FSTL4: variants seen among roughly 807,000 people sequenced by gnomAD.
The protein encoded by FSTL4 is follistatin like 4.
A neutral mutation model predicts 78.2 loss-of-function variants in FSTL4; 28 were observed. The observed-to-expected ratio is 0.36, with a 90% confidence interval of 0.27 to 0.49. The LOEUF (loss-of-function observed/expected upper bound fraction) is 0.49, where lower values mean the gene tolerates loss of function less well. FSTL4 is among the 20% of genes least tolerant of loss of function. The probability of loss-of-function intolerance (pLI) is 0.98; values close to 1 mark genes in which losing one functional copy is unlikely to be tolerated. For missense variants in FSTL4, 922 were observed against 1,084.9 expected (o/e 0.85, Z 2.11); for synonymous variants, 422 against 440.5 (o/e 0.96, Z 0.53).
chr5:133,332,458 G>T (rs1754370947), intron 4 of FSTL4, among the ~76,000 whole-genome samples: 1 of 152,222 alleles, frequency 6.6e-6, no homozygotes, highest in East Asian at 1.9e-4. Context: ...ATTCTCCAAA[G>T]AAAAGTGTAC....
chr5:133,830,796 C>T, the FSTL4 span, among the ~76,000 whole-genome samples: 1 of 152,150 alleles, frequency 6.6e-6, no homozygotes, highest in African/African-American at 2.4e-5. Context: ...CTGAAGCACC[C>T]TCTGCCTGAC....
the FSTL4 span, among the ~76,000 whole-genome samples, chr5:133,781,090 T>C: frequency 6.6e-6 from 1 of 152,190 alleles, no homozygotes; most frequent in African/African-American, 2.4e-5. Flanking sequence ...GACTCTTCAC[T>C]GCATGCTCTT....
chr5:133,637,061 G>A, the FSTL4 span, among the ~76,000 whole-genome samples: 1 of 152,202 alleles, frequency 6.6e-6, no homozygotes, highest in Non-Finnish European at 1.5e-5. Flanking sequence ...ATAGACGGCA[G>A]CTGGATTATG....
At chr5:133,462,214 C>T (rs1025098463) in intron 3 of FSTL4, among the ~76,000 whole-genome samples, 1 of 152,228 alleles carries the variant, frequency 6.6e-6, no homozygotes, top group African/African-American at 2.4e-5. Context: ...CTCTGGCCCC[C>T]CAGATGATGT....
intron 3 of FSTL4, among the ~76,000 whole-genome samples, chr5:133,508,402 A>G (rs745603877): frequency 6.6e-6 from 1 of 152,186 alleles, no homozygotes; most frequent in Non-Finnish European, 1.5e-5. Context: ...AGGGTCAACT[A>G]TGGATAAGCT....
At chr5:133,313,351 C>T (rs1039048613) in intron 5 of FSTL4, among the ~76,000 whole-genome samples, 1 of 152,166 alleles carries the variant, frequency 6.6e-6, no homozygotes, top group Non-Finnish European at 1.5e-5. Flanking sequence ...CTGCCTTGTC[C>T]TGCCCAGGAC....
chr5:133,635,566 C>T, the FSTL4 span, among the ~76,000 whole-genome samples: 3 of 152,256 alleles, frequency 2.0e-5, no homozygotes, highest in Non-Finnish European at 2.9e-5. Flanking sequence ...GAGTTCGAGA[C>T]AAGCCTGACC....
chr5:133,694,987 TACAA>T, the FSTL4 span, among the ~76,000 whole-genome samples: 175 of 152,274 alleles, frequency 1.1e-3, 1 homozygote, highest in African/African-American at 3.9e-3. Flanking sequence ...TGGGACTGAA[TACAA>T]ACATTCAGTC....
the FSTL4 span, among the ~76,000 whole-genome samples, chr5:133,718,195 C>T: frequency 1.3e-5 from 2 of 151,998 alleles, no homozygotes; most frequent in African/African-American, 2.4e-5. Flanking sequence ...CGGGTTCAAG[C>T]GATTCTCTTG....
At chr5:133,767,544 C>G in the FSTL4 span, among the ~76,000 whole-genome samples, 1 of 152,172 alleles carries the variant, frequency 6.6e-6, no homozygotes, top group Non-Finnish European at 1.5e-5. Flanking sequence ...TGGGAACCAA[C>G]AAGGTTTTTG....
intron 3 of FSTL4, among the ~76,000 whole-genome samples, chr5:133,436,440 G>A (rs1005986840): frequency 4.6e-5 from 7 of 152,130 alleles, no homozygotes; most frequent in African/African-American, 1.7e-4. Flanking sequence ...AAGAGAACAT[G>A]GTGTGAGTTG....
At chr5:133,407,853 T>C (rs1300968942) in intron 3 of FSTL4, among the ~76,000 whole-genome samples, 1 of 152,158 alleles carries the variant, frequency 6.6e-6, no homozygotes. Flanking sequence ...CACGATAATC[T>C]AAAGTGAGCA....
intron 3 of FSTL4, among the ~76,000 whole-genome samples, chr5:133,445,586 G>A (rs959897682): frequency 6.6e-6 from 1 of 152,162 alleles, no homozygotes; most frequent in African/African-American, 2.4e-5. Context: ...GGGATGAAGC[G>A]CCACTCCTGG....
chr5:133,591,736 T>C (rs1451972441), intron 2 of FSTL4, among the ~76,000 whole-genome samples: 1 of 152,032 alleles, frequency 6.6e-6, no homozygotes, highest in African/African-American at 2.4e-5. Context: ...CAGAGCTCTC[T>C]GGAAAGACCA....
intron 3 of FSTL4, among the ~76,000 whole-genome samples, chr5:133,406,043 C>A (rs552912542): frequency 6.6e-6 from 1 of 152,324 alleles, no homozygotes; most frequent in Non-Finnish European, 1.5e-5. Context: ...AGAGGGTGAA[C>A]TGGCAAACAA....
chr5:133,600,994 C>T (rs1195296751), intron 2 of FSTL4, among the ~76,000 whole-genome samples: 2 of 152,192 alleles, frequency 1.3e-5, no homozygotes, highest in Admixed American at 6.5e-5. Flanking sequence ...GTTATCGATA[C>T]ATTAATAGCT....
chr5:133,578,946 T>C (rs1229829626), intron 2 of FSTL4, among the ~76,000 whole-genome samples: 2 of 152,166 alleles, frequency 1.3e-5, no homozygotes, highest in Non-Finnish European at 2.9e-5. Flanking sequence ...ATTTGGAAAG[T>C]AATCCACATC....
rs543162348 is a variant in FSTL4, at chr5:133,425,396, C to T, written c.161-24410G>A. Among the ~76,000 whole-genome samples the T allele has an allele frequency of 9.2e-5, 14 of 152,290 alleles. No individual in the cohort carries two copies. The East Asian group carries it at 1.7e-3, about 19-fold the overall frequency. On this transcript the variant is annotated intron_variant, in intron 3 of 15. Coordinates refer to ENST00000265342, the MANE Select transcript of FSTL4 (RefSeq NM_015082.2). The stretch of plus-strand genomic sequence containing the variant: ...CCCCAGGTGGCAAAGCTGTTAACCG[C>T]GCATCGCCAAACCCTCCAGGCCTGA...
chr5:133,258,699 A>C (rs1752441170), intron 6 of FSTL4, among the ~76,000 whole-genome samples: 1 of 152,174 alleles, frequency 6.6e-6, no homozygotes, highest in African/African-American at 2.4e-5. Context: ...GCCTGACCCC[A>C]TCGGACTTGA....
Sources: allele counts gnomAD v4.1 joint callset (sites outside exome capture counted in the v4.1 genomes callset), GRCh38; gene constraint gnomAD v4.1.1; transcripts MANE v1.5; gene names NCBI Gene and HGNC (gene_info 2026-07-23, HGNC 2026-07-21).